The following RNFT2 variants were observed in gnomAD, a reference collection of about 807,000 sequenced individuals.
RNFT2 encodes the protein ring finger protein, transmembrane 2.
In RNFT2, 36 loss-of-function variants were observed where a neutral mutation model predicts 53.0. The observed-to-expected ratio is 0.68, with a 90% CI of 0.52 to 0.90. The LOEUF is 0.90. Among genes scored for constraint, RNFT2 ranks in the 40% least tolerant of loss-of-function variants. The probability of loss-of-function intolerance (pLI) is 0.00; values close to 1 mark genes in which losing one functional copy is unlikely to be tolerated. For missense variants in RNFT2, 514 were observed against 585.6 expected (o/e 0.88, Z 1.26); for synonymous variants, 260 against 253.2 (o/e 1.03, Z -0.26).
At chr12:116,809,309 T>C (rs1875246171) in intron 7 of RNFT2, among the ~76,000 whole-genome samples, 1 of 152,202 alleles carries the variant, frequency 6.6e-6, no homozygotes, top group African/African-American at 2.4e-5. Flanking sequence ...GTTCAGGTGC[T>C]GACAGGAGTT....
In RNFT2 at chr12:116,852,350, T is replaced by C. The variant is rs903773; in HGVS notation, c.*2902T>C. The C allele has an allele frequency of 0.93, 1,199,769 of 1,284,684 alleles. 560,718 individuals are homozygous for C. Among genetic ancestry groups the C allele is most frequent in the African/African-American group, 0.99 (66,272 of 67,238 alleles). The allele number at this position is 1,284,684 out of a possible 1,614,324, so 79.6% of individuals were successfully genotyped here. A position where few individuals can be genotyped will look rare whatever the true frequency, so the allele number is the denominator to read the frequency against. On this transcript the variant is annotated 3_prime_UTR_variant, in exon 11 of 11. Transcript: ENST00000257575. ...TGCCCCGCCGTAGATTCAGGACATT[T>C]GCCCCTGTGTGCCACCAAACCAGGA... is the stretch of plus-strand genomic sequence containing the variant.
intron 7 of RNFT2, 55 bp downstream of exon 7, chr12:116,779,403 A>T: frequency 1.3e-6 from 2 of 1,591,878 alleles, no homozygotes; most frequent in South Asian, 1.1e-5. Context: ...CATGCAGAGG[A>T]TTCAGGGTGC....
At chr12:116,761,161 C>G (rs529444853) in intron 5 of RNFT2, among the ~76,000 whole-genome samples, 1 of 151,532 alleles carries the variant, frequency 6.6e-6, no homozygotes, top group African/African-American at 2.4e-5. Flanking sequence ...TTGTTTTTTT[C>G]TTTTTGAGAC....
chr12:116,752,706 C>T (rs1169726999), intron 4 of RNFT2, among the ~76,000 whole-genome samples: 1 of 152,076 alleles, frequency 6.6e-6, no homozygotes, highest in Non-Finnish European at 1.5e-5. Context: ...GGTGAAACCC[C>T]ATCTCTACTA....
At chr12:116,826,415 G>A (rs1280325756) in intron 7 of RNFT2, among the ~76,000 whole-genome samples, 1 of 152,192 alleles carries the variant, frequency 6.6e-6, no homozygotes, top group Non-Finnish European at 1.5e-5. Flanking sequence ...CTCATAATCT[G>A]ATCGTATTCC....
intron 10 of RNFT2, among the ~76,000 whole-genome samples, chr12:116,845,259 ATAT>A (rs1266705128): frequency 5.7e-4 from 60 of 104,352 alleles, no homozygotes; most frequent in African/African-American, 2.1e-3. Context: ...AAAAAAAAAA[ATAT>A]ATATATATAT....
intron 3 of RNFT2, among the ~76,000 whole-genome samples, chr12:116,743,108 G>A (rs905568384): frequency 8.7e-6 from 1 of 114,914 alleles, no homozygotes; most frequent in African/African-American, 3.2e-5. Flanking sequence ...AAAAAAAAAG[G>A]TTAAATGAAG....
intron 7 of RNFT2, among the ~76,000 whole-genome samples, chr12:116,819,865 T>C (rs550549550): frequency 2.6e-5 from 4 of 152,318 alleles, no homozygotes; most frequent in East Asian, 3.9e-4. Flanking sequence ...GACAGAAATA[T>C]AAGAGTAGTC....
intron 5 of RNFT2, among the ~76,000 whole-genome samples, chr12:116,759,687 G>A (rs951901340): frequency 6.6e-6 from 1 of 152,218 alleles, no homozygotes; most frequent in African/African-American, 2.4e-5. Flanking sequence ...ACTGGGGGTT[G>A]TCTGCACAGA....
chr12:116,842,587 T>C (rs1250183199), intron 10 of RNFT2, among the ~76,000 whole-genome samples: 1 of 152,072 alleles, frequency 6.6e-6, no homozygotes, highest in African/African-American at 2.4e-5. Flanking sequence ...TTTGTTTGTT[T>C]GTTTGAGACA....
chr12:116,755,377 T>A lies in RNFT2; in HGVS notation c.627+1317T>A, dbSNP rs1872456798. On this transcript the variant is annotated intron_variant, in intron 5 of 10. Transcript: ENST00000257575. ...ATAGCCCAGAGGTCTTTTTTTTTTTTTTTTTTAACACCTATTATGCCATGA... is the reference window on the plus strand; with the variant it reads ...ATAGCCCAGAGGTCTTTTTTTTTTTATTTTTTAACACCTATTATGCCATGA... 12 of 783,652 alleles carry A rather than the reference T, an allele frequency of 1.5e-5. No homozygotes were observed. In the Admixed American group the frequency reaches 2.1e-4, roughly 14 times the overall value. 48.5% of individuals were successfully genotyped at this position (783,652 alleles called of 1,614,324 possible). A position where few individuals can be genotyped will look rare whatever the true frequency, so the allele number is the denominator to read the frequency against.
intron 7 of RNFT2, among the ~76,000 whole-genome samples, chr12:116,822,177 T>G (rs2137183375): frequency 6.6e-6 from 1 of 152,122 alleles, no homozygotes; most frequent in East Asian, 1.9e-4. Flanking sequence ...CTCTGTCCCC[T>G]TAGTTCTGAT....
Position 116,801,842 on chromosome 12 carries a change from GA to G in RNFT2, c.882+22495del, listed in dbSNP as rs1874812120. On this transcript the variant is annotated intron_variant, in intron 7 of 10. Coordinates refer to ENST00000257575, the MANE Select transcript of RNFT2 (RefSeq NM_001382266.1). The stretch of plus-strand genomic sequence containing the variant: ...TTTGTTTGTTTGTTTGTTTTTTTGA[GA>G]CAGAGTCTCACTCTGTTGCCCAGGC... Among the ~76,000 whole-genome samples the G allele has an allele frequency of 9.3e-5, 14 of 150,900 alleles. No homozygotes were observed. The South Asian group carries it at 2.7e-3, about 29-fold the overall frequency.
At position 116,764,879 on chromosome 12, in the gene RNFT2, C is replaced by T. The variant is rs554729698; in HGVS notation, c.628-1935C>T. ...TACACTCCAGCCTGGGCAACAAGAG[C>T]GAAAGTCCGTCTCAAAAACAAACAA... On this transcript the variant is annotated intron_variant, in intron 5 of 10. Coordinates refer to ENST00000257575, the MANE Select transcript of RNFT2 (RefSeq NM_001382266.1). Among the ~76,000 whole-genome samples the T allele has an allele frequency of 1.5e-4, 23 of 152,208 alleles. No homozygotes were observed. The South Asian group carries it at 3.1e-3, about 21-fold the overall frequency.
At chr12:116,778,429 C>T (rs1410783033) in intron 6 of RNFT2, among the ~76,000 whole-genome samples, 1 of 152,190 alleles carries the variant, frequency 6.6e-6, no homozygotes, top group East Asian at 1.9e-4. Context: ...CAAGACGCCC[C>T]TGGGGTTTTG....
At chr12:116,767,704 C>CA (rs2094137948) in intron 6 of RNFT2, among the ~76,000 whole-genome samples, 2 of 152,056 alleles carry the variant, frequency 1.3e-5, no homozygotes, top group Non-Finnish European at 2.9e-5. Context: ...CTCAGCCTCC[C>CA]AAGTAGCTGG....
chr12:116,841,934 TAAATATATATATAAATATATATATAGAG>T (rs1565876235), intron 10 of RNFT2, among the ~76,000 whole-genome samples: 31 of 32,984 alleles, frequency 9.4e-4, no homozygotes, highest in Non-Finnish European at 7.9e-4. Flanking sequence ...TATATATATA[TAAATATATATATAAATATATATATAGAG>T]AGAGAGAGAG....
At chr12:116,773,105 GTA>G (rs1038732963) in intron 6 of RNFT2, among the ~76,000 whole-genome samples, 9 of 152,140 alleles carry the variant, frequency 5.9e-5, no homozygotes, top group Non-Finnish European at 1.3e-4. Flanking sequence ...GGGATTACAG[GTA>G]TGAGCCACCA....
intron 7 of RNFT2, among the ~76,000 whole-genome samples, chr12:116,818,009 C>G (rs1008672753): frequency 1.3e-5 from 2 of 152,138 alleles, no homozygotes; most frequent in African/African-American, 4.8e-5. Context: ...AAAAACAATT[C>G]ATGGAGAATT....
Sources: allele counts gnomAD v4.1 joint callset (sites outside exome capture counted in the v4.1 genomes callset), GRCh38; gene constraint gnomAD v4.1.1; transcripts MANE v1.5; gene names NCBI Gene and HGNC (gene_info 2026-07-23, HGNC 2026-07-21).